Variants in MRLN observed in about 807,000 individuals in gnomAD.
MRLN encodes Linc-RNA activator of myogenesis.
intron 1 of MRLN, among the ~76,000 whole-genome samples, 194 bp downstream of exon 1, chr10:59,753,160 C>G (rs2070183037): frequency 6.6e-6 from 1 of 152,050 alleles, no homozygotes; most frequent in Admixed American, 6.6e-5. Context: ...TATAATCAGC[C>G]TTATAAAAAG....
In MRLN at chr10:59,742,394, T is replaced by C. The variant is rs577854593; in HGVS notation, c.-124-3832A>G. Among the ~76,000 whole-genome samples, 7 of 152,228 alleles carry C rather than the reference T, an allele frequency of 4.6e-5. No individual in the cohort carries two copies. The East Asian group carries it at 1.4e-3, about 29-fold the overall frequency. ...ACAGCGTAAGTACATTTATATAAACTAGAAAAATAGAGTTAAAGTGCATGG... is the reference window on the plus strand; with the variant it reads ...ACAGCGTAAGTACATTTATATAAACCAGAAAAATAGAGTTAAAGTGCATGG... On this transcript the variant is annotated intron_variant, in intron 1 of 2. Transcript: ENST00000414264.
chr10:59,748,174 T>C (rs1465809362), intron 1 of MRLN, among the ~76,000 whole-genome samples: 1 of 152,022 alleles, frequency 6.6e-6, no homozygotes, highest in East Asian at 1.9e-4. Context: ...CGTGCAGGGT[T>C]TTAGAATGGG....
At chr10:59,753,090 T>TAAAG (rs1309555962) in intron 1 of MRLN, among the ~76,000 whole-genome samples, 2 of 152,196 alleles carry the variant, frequency 1.3e-5, no homozygotes, top group Non-Finnish European at 2.9e-5. Context: ...CTTCTCCTCC[T>TAAAG]GCCTTTATTT....
intron 1 of MRLN, among the ~76,000 whole-genome samples, chr10:59,753,011 A>C (rs894765001): frequency 6.6e-6 from 1 of 152,222 alleles, no homozygotes; most frequent in Non-Finnish European, 1.5e-5. Context: ...TGGAGAGAAA[A>C]TACAAGGAGA....
At chr10:59,751,770 T>A (rs1841106076) in intron 1 of MRLN, among the ~76,000 whole-genome samples, 1 of 151,632 alleles carries the variant, frequency 6.6e-6, no homozygotes, top group African/African-American at 2.4e-5. Context: ...TAGCACATGG[T>A]GTCTTGCACA....
At chr10:59,748,843 C>T (rs891800939) in intron 1 of MRLN, among the ~76,000 whole-genome samples, 1 of 152,146 alleles carries the variant, frequency 6.6e-6, no homozygotes, top group African/African-American at 2.4e-5. Context: ...TCTTTGATTC[C>T]AGCCCATGTA....
intron 1 of MRLN, chr10:59,744,835 G>A (rs1053470261): frequency 2.2e-5 from 4 of 179,810 alleles, no homozygotes; most frequent in African/African-American, 9.6e-5. Context: ...TCTGAAACAT[G>A]TTCTGTGTCC....
intron 1 of MRLN, among the ~76,000 whole-genome samples, chr10:59,750,737 G>A (rs1227071408): frequency 2.6e-5 from 4 of 152,240 alleles, no homozygotes; most frequent in African/African-American, 7.2e-5. Context: ...TTACAAAGCC[G>A]GATGAAATGC....
rs567345746 is a variant in MRLN, at chr10:59,741,307, G to A, written c.-124-2745C>T. 2.6e-5 allele frequency among the ~76,000 whole-genome samples: 4 copies of A among 151,916 alleles called. No individual in the cohort carries two copies. In the South Asian group the frequency reaches 8.4e-4, roughly 32 times the overall value. On this transcript the variant is annotated intron_variant, in intron 1 of 2. Transcript: ENST00000414264. ...CCATTCATGGGAAGTGCCCTATACA[G>A]GTGTACCACTGTTTATCTTTTATAC...
chr10:59,742,415 C>T (rs10993981), intron 1 of MRLN, among the ~76,000 whole-genome samples: 55,321 of 151,926 alleles, frequency 0.36, 10,338 homozygotes, highest in South Asian at 0.49. Flanking sequence ...AGTTAAAGTG[C>T]ATGGTTTAGG....
intron 1 of MRLN, among the ~76,000 whole-genome samples, chr10:59,751,391 G>A (rs1486211382): frequency 3.3e-5 from 5 of 152,058 alleles, no homozygotes; most frequent in Non-Finnish European, 5.9e-5. Context: ...GCCAGGTGCG[G>A]TGGCTCACAC....
chr10:59,750,561 C>A (rs546316562), intron 1 of MRLN, among the ~76,000 whole-genome samples: 1 of 152,350 alleles, frequency 6.6e-6, no homozygotes, highest in Non-Finnish European at 1.5e-5. Flanking sequence ...CTGCCATATT[C>A]TTGCCCTAAA....
chr10:59,752,871 G>C (rs2070174791), intron 1 of MRLN, among the ~76,000 whole-genome samples: 1 of 152,150 alleles, frequency 6.6e-6, no homozygotes, highest in Admixed American at 6.5e-5. Flanking sequence ...TGCCCTCTCT[G>C]ATCCAAACCT....
Position 59,736,972 on chromosome 10 carries a change from T to C in MRLN, c.*88A>G, listed in dbSNP as rs1303183792. ...CTTCTAGAATAAATTGGCAATGTCA[T>C]AAAATGTGAGTCACTCAACAAGTTA... On this transcript the variant is annotated 3_prime_UTR_variant, in exon 3 of 3. Coordinates refer to ENST00000414264, the MANE Select transcript of MRLN (RefSeq NM_001304731.2). The C allele has an allele frequency of 5.2e-6, 2 of 382,380 alleles. No individual in the cohort carries two copies. Among genetic ancestry groups the C allele is most frequent in the Non-Finnish European group, 9.3e-6 (2 of 215,072 alleles). 23.7% of individuals were successfully genotyped at this position (382,380 alleles called of 1,614,324 possible). A position where few individuals can be genotyped will look rare whatever the true frequency, so the allele number is the denominator to read the frequency against.
At chr10:59,752,310 A>T (rs2070166091) in intron 1 of MRLN, among the ~76,000 whole-genome samples, 1 of 152,240 alleles carries the variant, frequency 6.6e-6, no homozygotes, top group Non-Finnish European at 1.5e-5. Context: ...GATTCAGGAA[A>T]AATTCAAAGA....
At position 59,749,869 on chromosome 10, in the gene MRLN, A is replaced by G. The variant is rs1841081465; in HGVS notation, c.-125+3485T>C. 3.3e-5 allele frequency among the ~76,000 whole-genome samples: 5 copies of G among 151,828 alleles called. No homozygotes were observed. The South Asian group carries it at 1.0e-3, about 32-fold the overall frequency. On this transcript the variant is annotated intron_variant, in intron 1 of 2. Coordinates refer to ENST00000414264, the MANE Select transcript of MRLN (RefSeq NM_001304731.2). Reference sequence around the variant, plus strand: ...AGAGGAAACAAATAGCCCTTAAGAGATGGAAAGCCCAGAGAAGCTGAGGCA... The same window carrying G: ...AGAGGAAACAAATAGCCCTTAAGAGGTGGAAAGCCCAGAGAAGCTGAGGCA...
intron 1 of MRLN, among the ~76,000 whole-genome samples, chr10:59,748,598 G>A (rs1841066133): frequency 6.6e-6 from 1 of 152,196 alleles, no homozygotes; most frequent in African/African-American, 2.4e-5. Context: ...AAGGGGGAAA[G>A]ACTGGAAATA....
chr10:59,749,793 C>T (rs1245089876), intron 1 of MRLN, among the ~76,000 whole-genome samples: 1 of 152,142 alleles, frequency 6.6e-6, no homozygotes, highest in Non-Finnish European at 1.5e-5. Context: ...GAAAGATGGC[C>T]ACTTCCTTGC....
At chr10:59,743,919 G>C (rs1244119830) in intron 1 of MRLN, among the ~76,000 whole-genome samples, 1 of 152,202 alleles carries the variant, frequency 6.6e-6, no homozygotes, top group African/African-American at 2.4e-5. Flanking sequence ...GCCAGCCTCC[G>C]CCTCTCAGGT....
Sources: gnomAD v4.1 joint callset for allele counts (sites outside exome capture counted in the v4.1 genomes callset) on GRCh38, gnomAD v4.1.1 for gene constraint, MANE v1.5 for transcripts, NCBI Gene and HGNC (gene_info 2026-07-23, HGNC 2026-07-21) for gene names.